The following DPYSL2 variants were observed in gnomAD, a reference collection of about 807,000 sequenced individuals.
DPYSL2 encodes the protein dihydropyrimidinase-related protein 2.
In DPYSL2, 13 loss-of-function variants were observed where a neutral mutation model predicts 69.9. The observed-to-expected ratio is 0.19, with a 90% CI of 0.12 to 0.30. The LOEUF is 0.30. DPYSL2 is among the 10% of genes least tolerant of loss of function. The pLI, the probability that DPYSL2 is intolerant of heterozygous loss-of-function variation, is 1.00. For missense variants in DPYSL2, 587 were observed against 918.9 expected, an observed-to-expected ratio of 0.64 and a Z score of 4.67; for synonymous variants, 326 against 359.1, an observed-to-expected ratio of 0.91 and a Z score of 1.04.
chr8:26,630,667 T>C (rs1052425839), intron 7 of DPYSL2, among the ~76,000 whole-genome samples: 2 of 152,202 alleles, frequency 1.3e-5, no homozygotes, highest in Admixed American at 6.5e-5. Context: ...ATTTACATTC[T>C]ACTGCCCATG....
rs891301064 is a variant in DPYSL2 at position 26,572,326 on chromosome 8, G to A, written c.355-9643G>A. Among the ~76,000 whole-genome samples the A allele has an allele frequency of 6.6e-5, 10 of 152,140 alleles. No individual in the cohort carries two copies. The South Asian group carries it at 1.2e-3, about 19-fold the overall frequency. ...GGAACTGAGAGCAGCACAGCCGCCC[G>A]AGGCACTGGAGTTATGTCTGCATCT... On this transcript the variant is annotated intron_variant, in intron 1 of 13. Transcript: ENST00000521913.
At position 26,591,367 on chromosome 8, in the gene DPYSL2, G is replaced by A. The variant is rs1801723005; in HGVS notation, c.628+7384G>A. 6.6e-6 allele frequency among the ~76,000 whole-genome samples: 1 copy of A among 152,208 alleles called. No individual in the cohort carries two copies. The highest frequency in any genetic ancestry group is 6.5e-5 in the Admixed American group (1 of 15,288). ...TCAGGCATTCAGTGGTCGGGTCTCA[G>A]GGTTCCTTATTGCTAGATGAAAGCT... On this transcript the variant is annotated intron_variant, in intron 3 of 13. Coordinates refer to ENST00000521913, the MANE Select transcript of DPYSL2 (RefSeq NM_001197293.3). This position sits in a 1 kb window ranked among gnomAD's most constrained non-coding sequence, Gnocchi z 5.8.
At chr8:26,634,428 C>CTTTTTTTTTTTTTTTTTT (rs55746168) in intron 7 of DPYSL2, among the ~76,000 whole-genome samples, 3 of 91,146 alleles carry the variant, frequency 3.3e-5, no homozygotes, top group East Asian at 3.8e-4. Context: ...CCATGCCCAG[C>CTTTTTTTTTTTTTTTTTT]TTTTTTTTTT....
chr8:26,626,566 G>A lies in DPYSL2; in HGVS notation c.794-51G>A, dbSNP rs769369303. On this transcript the variant is annotated intron_variant, in intron 4 of 13. Coordinates refer to ENST00000521913, the MANE Select transcript of DPYSL2 (RefSeq NM_001197293.3). The surrounding 1 kb of genome is among the most constrained non-coding windows in gnomAD (Gnocchi z 4.3). ...TTATCACTTTCTTATCCCTTATTTG[G>A]TTATTTGGTTTATCTATTAAAAGTC... 60 of 1,546,994 alleles carry A rather than the reference G, an allele frequency of 3.9e-5. No homozygotes were observed. The Middle Eastern group carries it at 1.5e-3, about 39-fold the overall frequency.
chr8:26,584,560 T>C (rs1343180057), intron 3 of DPYSL2, among the ~76,000 whole-genome samples: 1 of 151,706 alleles, frequency 6.6e-6, no homozygotes, highest in Non-Finnish European at 1.5e-5. Context: ...GATATGAAAA[T>C]TGCTGACACC....
At chr8:26,534,085 A>G (rs1403577253) in intron 1 of DPYSL2, among the ~76,000 whole-genome samples, 1 of 152,232 alleles carries the variant, frequency 6.6e-6, no homozygotes, top group African/African-American at 2.4e-5. Context: ...GAGCAACAAC[A>G]AGACTGGTTA....
rs1293773106 is a variant in DPYSL2, at chr8:26,598,979, T to C, written c.628+14996T>C. Among the ~76,000 whole-genome samples, 1 of 152,136 alleles carries C rather than the reference T, an allele frequency of 6.6e-6. No homozygotes were observed. The highest frequency in any genetic ancestry group is 1.5e-5 in the Non-Finnish European group (1 of 68,020). On this transcript the variant is annotated intron_variant, in intron 3 of 13. Coordinates refer to ENST00000521913, the MANE Select transcript of DPYSL2 (RefSeq NM_001197293.3). This position sits in a 1 kb window ranked among gnomAD's most constrained non-coding sequence, Gnocchi z 4.2. ...ACACCCAGCGGGAGTGCCCTTCTTG[T>C]GAAGGAAGCTCGTTCTCTACCGAAA...
chr8:26,556,265 AG>A lies in DPYSL2; in HGVS notation c.355-25703del, dbSNP rs374216860. On this transcript the variant is annotated intron_variant, in intron 1 of 13. Coordinates refer to ENST00000521913, the MANE Select transcript of DPYSL2 (RefSeq NM_001197293.3). ...AATATATATAGTATATATATACTAT[AG>A]TATATATAGTATTTATATAATATAT... Among the ~76,000 whole-genome samples the A allele has an allele frequency of 7.6e-3, 22 of 2,906 alleles. 3 individuals are homozygous for A. Among genetic ancestry groups the A allele is most frequent in the Admixed American group, 0.01 (1 of 96 alleles). 1.9% of individuals were successfully genotyped at this position (2,906 alleles called of 152,430 possible). A position where few individuals can be genotyped will look rare whatever the true frequency, so the allele number is the denominator to read the frequency against.
chr8:26,611,223 C>T (rs751439127), intron 3 of DPYSL2, among the ~76,000 whole-genome samples: 5 of 152,152 alleles, frequency 3.3e-5, no homozygotes, highest in African/African-American at 4.8e-5. Context: ...GTCCTTGTTC[C>T]GAGAAAGTTC....
At chr8:26,544,665 T>C (rs567890318) in intron 1 of DPYSL2, among the ~76,000 whole-genome samples, 1 of 152,354 alleles carries the variant, frequency 6.6e-6, no homozygotes, top group Non-Finnish European at 1.5e-5. Context: ...TAAGTACATG[T>C]GTCACTTGGA....
intron 1 of DPYSL2, among the ~76,000 whole-genome samples, chr8:26,534,007 G>T (rs543169743): frequency 9.2e-4 from 140 of 152,280 alleles, no homozygotes; most frequent in Non-Finnish European, 1.7e-3. Flanking sequence ...GGGCTTTGAA[G>T]GTCCAAGGAA....
intron 8 of DPYSL2, chr8:26,637,586 A>T (rs981342583): frequency 6.6e-6 from 1 of 152,214 alleles, no homozygotes; most frequent in African/African-American, 2.4e-5. Context: ...AAGAATCCTG[A>T]TTGAAACAGT....
At chr8:26,651,008 G>A (rs181943019) in intron 11 of DPYSL2, among the ~76,000 whole-genome samples, 139 of 152,282 alleles carry the variant, frequency 9.1e-4, no homozygotes, top group African/African-American at 3.1e-3. Flanking sequence ...GCGTGGCTCC[G>A]GCTGCTATAA....
intron 1 of DPYSL2, among the ~76,000 whole-genome samples, chr8:26,575,661 C>A (rs1490728020): frequency 2.6e-5 from 4 of 152,176 alleles, no homozygotes; most frequent in African/African-American, 9.7e-5. Flanking sequence ...GAGACAGACA[C>A]AAGCTCTTGG....
chr8:26,578,009 C>G lies in DPYSL2; in HGVS notation c.355-3960C>G, dbSNP rs1801398488. 6 of 1,381,882 alleles carry G rather than the reference C, an allele frequency of 4.3e-6. 1 individual carries two copies. The South Asian group carries it at 9.3e-5, about 21-fold the overall frequency. 85.6% of individuals were successfully genotyped at this position (1,381,882 alleles called of 1,614,324 possible). ...TCTCTCTCCTTCTCTCTCTCTCTCT[C>G]TCTCTCTCTTTTTTTTCCGCCCTAG... On this transcript the variant is annotated intron_variant, in intron 1 of 13. Transcript: ENST00000521913.
Position 26,562,091 on chromosome 8 carries a change from T to TG in DPYSL2, c.355-19878_355-19877insG, listed in dbSNP as rs1801080236. 6.6e-6 allele frequency among the ~76,000 whole-genome samples: 1 copy of TG among 152,220 alleles called. No homozygotes were observed. Among genetic ancestry groups the TG allele is most frequent in the African/African-American group, 2.4e-5 (1 of 41,460 alleles). On this transcript the variant is annotated intron_variant, in intron 1 of 13. Coordinates refer to ENST00000521913, the MANE Select transcript of DPYSL2 (RefSeq NM_001197293.3). The surrounding 1 kb of genome is among the most constrained non-coding windows in gnomAD (Gnocchi z 4.9). ...TCACACTTGATAGTTTTCTCCTACT[T>TG]ACTCCACATCCAATCTATTAGTGAC... is the stretch of plus-strand genomic sequence containing the variant.
chr8:26,566,783 G>A (rs765257978), intron 1 of DPYSL2, among the ~76,000 whole-genome samples: 1 of 152,118 alleles, frequency 6.6e-6, no homozygotes, highest in Non-Finnish European at 1.5e-5. Context: ...AAGTCCCAGT[G>A]TTTGGGCTGT....
Position 26,655,579 on chromosome 8 carries a change from C to T in DPYSL2, c.1943-36C>T, listed in dbSNP as rs368601512. 9.0e-6 allele frequency: 14 copies of T among 1,554,074 alleles called. No homozygotes were observed. The African/African-American group carries it at 1.8e-4, about 20-fold the overall frequency. On this transcript the variant is annotated intron_variant, in intron 13 of 13. Transcript: ENST00000521913. Reference sequence around the variant, plus strand: ...GCAGGATCTTGTGTGACTGTCCTGGCCCCTCACCCGCTCCTCTCTTCTCCT... The same window carrying T: ...GCAGGATCTTGTGTGACTGTCCTGGTCCCTCACCCGCTCCTCTCTTCTCCT...
chr8:26,620,634 G>T lies in DPYSL2; in HGVS notation c.629-3509G>T, dbSNP rs1223841844. Among the ~76,000 whole-genome samples the T allele has an allele frequency of 1.3e-5, 2 of 152,100 alleles. No individual in the cohort carries two copies. Among genetic ancestry groups the T allele is most frequent in the Admixed American group, 6.6e-5 (1 of 15,266 alleles). On this transcript the variant is annotated intron_variant, in intron 3 of 13. Transcript: ENST00000521913. This position sits in a 1 kb window ranked among gnomAD's most constrained non-coding sequence, Gnocchi z 4.5. Reference sequence around the variant, plus strand: ...TATGAGTGAATTTAAAACATTATTAGATATGTTATCTAGTAATAATAATGA... The same window carrying T: ...TATGAGTGAATTTAAAACATTATTATATATGTTATCTAGTAATAATAATGA...
Sources: gnomAD v4.1 joint callset for allele counts (sites outside exome capture counted in the v4.1 genomes callset) on GRCh38, gnomAD v4.1.1 for gene constraint, Gnocchi (gnomAD v3.1) non-coding constraint, MANE v1.5 for transcripts, NCBI Gene and HGNC (gene_info 2026-07-23, HGNC 2026-07-21) for gene names.